BPIFA3: variants seen among roughly 807,000 people sequenced by gnomAD.
The protein encoded by BPIFA3 is BPI fold-containing family A member 3.
In BPIFA3, 32 loss-of-function variants were observed where a neutral mutation model predicts 29.7. That is an observed-to-expected ratio of 1.08 (90% CI 0.81 to 1.45). The LOEUF (loss-of-function observed/expected upper bound fraction) is 1.45, where lower values mean the gene tolerates loss of function less well. Ranked by LOEUF, BPIFA3 falls within the 40% of genes most tolerant of loss-of-function variation. The probability of loss-of-function intolerance (pLI) is 0.00; values close to 1 mark genes in which losing one functional copy is unlikely to be tolerated. For missense variants in BPIFA3, 323 were observed against 311.3 expected (o/e 1.04, Z -0.28); for synonymous variants, 112 against 113.7 (o/e 0.98, Z 0.10).
intron 3 of BPIFA3, 104 bp downstream of exon 3, chr20:33,224,566 C>T (rs909162491): frequency 2.0e-6 from 2 of 993,456 alleles, no homozygotes; most frequent in Non-Finnish European, 3.1e-6. Context: ...ATCCTGGCTT[C>T]CAAAGCCACT....
chr20:33,226,460 A>T lies in BPIFA3; in HGVS notation c.591A>T (p.Gln197His). The T allele has an allele frequency of 6.2e-7, 1 of 1,609,948 alleles. No individual in the cohort carries two copies. Among genetic ancestry groups the T allele is most frequent in the Non-Finnish European group, 8.5e-7 (1 of 1,178,718 alleles). Residue 197 changes from glutamine to histidine, a missense_variant, in exon 5 of 7, where the codon CAA becomes CAT. Transcript: ENST00000375454. ...QFLYNLKENL[Q>H]KVLPHMVESQ... ...TCTACAACCTCAAAGAGAATCTGCA[A>T]AAAGTTCTCCCACACATGGTAGAAA...
intron 4 of BPIFA3, 102 bp downstream of exon 4, chr20:33,225,349 T>A: frequency 6.6e-7 from 1 of 1,516,548 alleles, no homozygotes; most frequent in South Asian, 1.2e-5. Flanking sequence ...CCAAAGCAGA[T>A]CTCATCCTTC....
rs150702316 is a variant in BPIFA3, at chr20:33,222,221, T to C, written c.128-1590T>C. On this transcript the variant is annotated intron_variant, in intron 1 of 6. Coordinates refer to ENST00000375454, the MANE Select transcript of BPIFA3 (RefSeq NM_178466.5). ...CTCCAGACTAGATTTTGTCTATTTCTCAGCTCTGCTATCATCATGGTTTTA... is the reference window on the plus strand; with the variant it reads ...CTCCAGACTAGATTTTGTCTATTTCCCAGCTCTGCTATCATCATGGTTTTA... 3.1e-3 allele frequency among the ~76,000 whole-genome samples: 477 copies of C among 152,374 alleles called. 1 individual carries two copies. Among genetic ancestry groups the C allele is most frequent in the Middle Eastern group, 6.8e-3 (2 of 294 alleles).
intron 1 of BPIFA3, among the ~76,000 whole-genome samples, chr20:33,222,436 G>A (rs1985555582): frequency 6.6e-6 from 1 of 152,204 alleles, no homozygotes; most frequent in African/African-American, 2.4e-5. Flanking sequence ...CACACCTGAT[G>A]GTTCAGATAA....
intron 1 of BPIFA3, among the ~76,000 whole-genome samples, chr20:33,222,018 G>C (rs1985535682): frequency 6.6e-6 from 1 of 152,222 alleles, no homozygotes; most frequent in South Asian, 2.1e-4. Context: ...TGTAGGGCCT[G>C]ATCTCAGGTA....
chr20:33,221,505 T>C (rs1447619792), intron 1 of BPIFA3, among the ~76,000 whole-genome samples: 2 of 152,382 alleles, frequency 1.3e-5, no homozygotes, highest in African/African-American at 2.4e-5. Context: ...AAACTTTTCA[T>C]ACATAAAACT....
intron 6 of BPIFA3, 75 bp downstream of exon 6, chr20:33,227,068 GC>G: frequency 2.1e-6 from 3 of 1,397,160 alleles, no homozygotes; most frequent in Non-Finnish European, 3.1e-6. Context: ...CGGCCCTGGA[GC>G]CCCCAGGGAG....
chr20:33,225,225 G>A lies in BPIFA3; in HGVS notation c.514G>A (p.Val172Ile). ...IGKCDAEPSSVHVAILTEAIP... is the reference protein window; with the variant it reads ...IGKCDAEPSSIHVAILTEAIP... ...CAAATGCGATGCAGAGCCCAGCAGTGTCCATGTGGCCATCCTCACTGAGTA... is the reference window on the plus strand; with the variant it reads ...CAAATGCGATGCAGAGCCCAGCAGTATCCATGTGGCCATCCTCACTGAGTA... Residue 172 changes from valine (V) to isoleucine (I), a missense_variant, in exon 4 of 7, where the codon GTC becomes ATC. Coordinates refer to ENST00000375454, the MANE Select transcript of BPIFA3 (RefSeq NM_178466.5). 1 of 1,613,902 alleles carries A rather than the reference G, an allele frequency of 6.2e-7. No homozygotes were observed. The highest frequency in any genetic ancestry group is 8.5e-7 in the Non-Finnish European group (1 of 1,180,018).
chr20:33,225,288 C>T, intron 4 of BPIFA3, 41 bp downstream of exon 4: 1 of 1,610,878 alleles, frequency 6.2e-7, no homozygotes, highest in Non-Finnish European at 8.5e-7. Flanking sequence ...GGGCCTCCTT[C>T]CTGATGAGCC....
chr20:33,217,527 C>T lies in BPIFA3; in HGVS notation c.-10C>T, dbSNP rs200490429. 3.8e-5 allele frequency: 61 copies of T among 1,613,474 alleles called. No individual in the cohort carries two copies. The East Asian group carries it at 1.3e-3, about 35-fold the overall frequency. Reference sequence around the variant, plus strand: ...TCTGACACTCTTGACATCTGCAGGTCCCAGACCCTATGATGTGTCCACTCT... The same window carrying T: ...TCTGACACTCTTGACATCTGCAGGTTCCAGACCCTATGATGTGTCCACTCT... On this transcript the variant is annotated 5_prime_UTR_variant, in exon 1 of 7. Coordinates refer to ENST00000375454, the MANE Select transcript of BPIFA3 (RefSeq NM_178466.5).
chr20:33,224,207 T>C, intron 2 of BPIFA3, 148 bp from the exon 3 acceptor site: 1 of 802,368 alleles, frequency 1.2e-6, no homozygotes, highest in Non-Finnish European at 1.9e-6. Flanking sequence ...CACCTGACTC[T>C]TGCCCTCAGA....
rs112282795 is a variant in BPIFA3 at position 33,217,676 on chromosome 20, C to T, written c.127+13C>T. ...ACCCTGGCAAGAAGTAAGCTAAGCCCCGGGCTCTGCCTGCTGCCTACGGGG... is the reference window on the plus strand; with the variant it reads ...ACCCTGGCAAGAAGTAAGCTAAGCCTCGGGCTCTGCCTGCTGCCTACGGGG... On this transcript the variant is annotated intron_variant, in intron 1 of 6. Transcript: ENST00000375454. 1.3e-3 allele frequency: 2,016 copies of T among 1,610,116 alleles called. 15 individuals are homozygous for T. The African/African-American group carries it at 0.019, about 15-fold the overall frequency.
intron 3 of BPIFA3, among the ~76,000 whole-genome samples, 177 bp downstream of exon 3, chr20:33,224,639 T>C (rs1568624616): frequency 6.6e-6 from 1 of 152,202 alleles, no homozygotes; most frequent in Admixed American, 6.5e-5. Context: ...ACCTGAAATA[T>C]GATGACAATC....
At chr20:33,221,257 T>C (rs1387043256) in intron 1 of BPIFA3, among the ~76,000 whole-genome samples, 3 of 151,584 alleles carry the variant, frequency 2.0e-5, no homozygotes, top group African/African-American at 7.3e-5. Flanking sequence ...TGGGTTCAAA[T>C]GATTCTCCTG....
At chr20:33,223,720 T>C in intron 1 of BPIFA3, 91 bp from the exon 2 acceptor site, 1 of 1,445,406 alleles carries the variant, frequency 6.9e-7, no homozygotes, top group Non-Finnish European at 9.4e-7. Flanking sequence ...AATCAGATCT[T>C]GCACCAGCCT....
intron 1 of BPIFA3, among the ~76,000 whole-genome samples, chr20:33,217,984 C>G (rs1250578878): frequency 1.3e-5 from 2 of 152,050 alleles, no homozygotes; most frequent in African/African-American, 4.8e-5. Flanking sequence ...CTTAAATATG[C>G]CTGTGTCCTT....
At chr20:33,218,390 A>ACCTGTCTCCCCATGTTC (rs1464267217) in intron 1 of BPIFA3, among the ~76,000 whole-genome samples, 3 of 152,236 alleles carry the variant, frequency 2.0e-5, no homozygotes, top group Non-Finnish European at 4.4e-5. Flanking sequence ...AAATGAGCAT[A>ACCTGTCTCCCCATGTTC]CCTGTCTCCC....
Position 33,223,876 on chromosome 20 carries a change from A to G in BPIFA3, c.193A>G (p.Arg65Gly). 4 of 1,614,232 alleles carry G rather than the reference A, an allele frequency of 2.5e-6. No individual in the cohort carries two copies. The highest frequency in any genetic ancestry group is 3.4e-6 in the Non-Finnish European group (4 of 1,180,020). ...AATTCAGAACATCCACTTTGGGGAC[A>G]GACTGAATGCCTCAGCACAAGTGGC... ...SRIQNIHFGDRLNASAQVAPG... is the reference protein window; with the variant it reads ...SRIQNIHFGDGLNASAQVAPG... Residue 65 changes from arginine to glycine, a missense_variant, in exon 2 of 7, where the codon AGA (arginine) becomes GGA (glycine). By Grantham distance (125) the Arg-to-Gly change is moderately radical (BLOSUM62 -2). Transcript: ENST00000375454.
rs1985646738 is a variant in BPIFA3 at position 33,223,886 on chromosome 20, C to A, written c.203C>A (p.Ala68Asp). 6.2e-7 allele frequency: 1 copy of A among 1,614,084 alleles called. No homozygotes were observed. The highest frequency in any genetic ancestry group is 1.1e-5 in the South Asian group (1 of 91,092). The change falls in exon 2 of 7, where the codon GCC becomes GAC. Residue 68 changes from alanine to aspartate, a missense_variant. Ala to Asp is a moderately radical substitution (Grantham distance 126, BLOSUM62 -2). Transcript: ENST00000375454. Reference protein sequence around the residue: ...QNIHFGDRLNASAQVAPGLVG... With the variant: ...QNIHFGDRLNDSAQVAPGLVG... ...ATCCACTTTGGGGACAGACTGAATG[C>A]CTCAGCACAAGTGGCCCCAGGGCTG...
Sources: allele counts gnomAD v4.1 joint callset (sites outside exome capture counted in the v4.1 genomes callset), GRCh38; gene constraint gnomAD v4.1.1; transcripts MANE v1.5; gene names NCBI Gene and HGNC (gene_info 2026-07-23, HGNC 2026-07-21).